DMXL1: variants seen among roughly 807,000 people sequenced by gnomAD.
DMXL1 encodes the protein Dmx like 1.
Under a neutral mutation model 319.2 loss-of-function variants are expected in DMXL1, and 99 were observed. The observed-to-expected ratio is 0.31, with a 90% CI of 0.26 to 0.37. The LOEUF (loss-of-function observed/expected upper bound fraction) is 0.37. Among genes scored for constraint, DMXL1 ranks in the 10% least tolerant of loss-of-function variants. DMXL1 has a pLI of 1.00. For synonymous variants in DMXL1, 1,385 were observed against 1,235.2 expected (o/e 1.12, Z -2.54); for missense variants, 3,745 against 3,595.6 (o/e 1.04, Z -1.06).
intron 9 of DMXL1, 123 bp downstream of exon 9, chr5:119,121,262 C>CTT: frequency 1.9e-5 from 12 of 646,528 alleles, no homozygotes; most frequent in Non-Finnish European, 2.6e-5. Context: ...GCCTATTTTT[C>CTT]TTTTTTTTTT....
intron 10 of DMXL1, among the ~76,000 whole-genome samples, chr5:119,130,424 C>T (rs560852547): frequency 3.9e-4 from 60 of 152,064 alleles, no homozygotes; most frequent in Non-Finnish European, 7.1e-4. Flanking sequence ...CTCACTGCAG[C>T]CTCCACCTCC....
chr5:119,078,022 A>G (rs1751381966), intron 1 of DMXL1, among the ~76,000 whole-genome samples: 1 of 151,806 alleles, frequency 6.6e-6, no homozygotes, highest in Non-Finnish European at 1.5e-5. Flanking sequence ...GGTGTGAACC[A>G]CCATGCCTGG....
At chr5:119,162,673 C>T (rs1346942565) in intron 19 of DMXL1, among the ~76,000 whole-genome samples, 1 of 152,188 alleles carries the variant, frequency 6.6e-6, no homozygotes, top group East Asian at 1.9e-4. Context: ...TATAAATATG[C>T]AAATCATAGC....
intron 19 of DMXL1, among the ~76,000 whole-genome samples, chr5:119,159,976 A>C (rs11742202): frequency 0.19 from 29,563 of 152,142 alleles, 3,545 homozygotes; most frequent in East Asian, 0.38. Context: ...ATCTTTCCAG[A>C]AAACTGGAAA....
Position 119,149,533 on chromosome 5 carries a change from C to T in DMXL1, c.3706C>T (p.His1236Tyr). ...TGTGGTAGGAATGGACTGTGAAATG[C>T]ATGTGTATTGCCAATGGCAACCATC... ...ILVVGMDCEM[H>Y]VYCQWQPSSK... Residue 1236 changes from histidine (H) to tyrosine (Y), a missense_variant, in exon 18 of 44, where the codon CAT (histidine) becomes TAT (tyrosine). By Grantham distance (83) the His-to-Tyr change is moderately conservative. This residue lies in a region of DMXL1 where 2,096 missense variants were observed against 1,985.4 expected (regional missense o/e 1.06). Transcript: ENST00000539542. 6.2e-7 allele frequency: 1 copy of T among 1,613,910 alleles called. No individual in the cohort carries two copies. Among genetic ancestry groups the T allele is most frequent in the Non-Finnish European group, 8.5e-7 (1 of 1,179,896 alleles).
rs1303727259 is a variant in DMXL1, at chr5:119,149,075, G to A, written c.3248G>A (p.Cys1083Tyr). The change falls in exon 18 of 44, where the codon TGT (cysteine) becomes TAT (tyrosine). Residue 1083 changes from cysteine to tyrosine, a missense_variant. Cys to Tyr is a radical substitution (Grantham distance 194). Transcript: ENST00000539542. ...GTGATGCATGTAAGTATTTTTGAAT[G>A]TGAGTCAACAGGAGGTTCATGTTGG... is the stretch of plus-strand genomic sequence containing the variant. Reference protein sequence around the residue: ...DFVMHVSIFECESTGGSCWVL... With the variant: ...DFVMHVSIFEYESTGGSCWVL... The A allele has an allele frequency of 1.2e-6, 2 of 1,613,812 alleles. No homozygotes were observed. The highest frequency in any genetic ancestry group is 1.3e-5 in the African/African-American group (1 of 74,894).
chr5:119,147,067 G>C, intron 16 of DMXL1, 111 bp downstream of exon 16: 1 of 1,240,716 alleles, frequency 8.1e-7, no homozygotes, highest in South Asian at 1.4e-5. Context: ...ATTAAATGGT[G>C]ATAACTGTAG....
rs757195330 is a variant in DMXL1 at position 119,149,194 on chromosome 5, G to A, written c.3367G>A (p.Asp1123Asn). The A allele has an allele frequency of 1.9e-6, 3 of 1,613,686 alleles. No homozygotes were observed. In the East Asian group the frequency reaches 6.7e-5, roughly 36 times the overall value. ...CAATTTAGTGGCCTATAATAAACAA[G>A]ACATGTATTTATCTAGTAAAGAGAA... Reference protein sequence around the residue: ...DSNLVAYNKQDMYLSSKENIT... With the variant: ...DSNLVAYNKQNMYLSSKENIT... The change falls in exon 18 of 44, where the codon GAC becomes AAC. Residue 1123 changes from aspartate (D) to asparagine (N), a missense_variant. Asp to Asn is a conservative substitution (Grantham distance 23, BLOSUM62 1). Coordinates refer to ENST00000539542, the MANE Select transcript of DMXL1 (RefSeq NM_001290321.3).
chr5:119,086,665 C>T (rs1161471678), intron 1 of DMXL1, among the ~76,000 whole-genome samples: 3 of 152,118 alleles, frequency 2.0e-5, no homozygotes, highest in Admixed American at 1.3e-4. Flanking sequence ...GCAGTGAAAC[C>T]ATCAGGTCCT....
intron 14 of DMXL1, 30 bp from the exon 15 acceptor site, chr5:119,144,503 GGTC>G: frequency 2.1e-6 from 3 of 1,429,640 alleles, no homozygotes; most frequent in Non-Finnish European, 2.9e-6. Context: ...ATAACACATA[GGTC>G]AACTTACGTT....
Position 119,152,328 on chromosome 5 carries a change from TTTC to T in DMXL1, c.4702+298_4702+300del, listed in dbSNP as rs536125622. The stretch of plus-strand genomic sequence containing the variant: ...ATTAGTATTGTTTCATTTTCTTTAA[TTTC>T]TTCTTTAGATTGTCTTTTCTCTCCT... On this transcript the variant is annotated intron_variant, in intron 19 of 43. Transcript: ENST00000539542. Among the ~76,000 whole-genome samples the T allele has an allele frequency of 8.5e-5, 13 of 152,256 alleles. No homozygotes were observed. The South Asian group carries it at 2.7e-3, about 32-fold the overall frequency.
In DMXL1 at chr5:119,197,745, C is replaced by A; in HGVS notation, c.7544-10C>A. On this transcript the variant is annotated splice_polypyrimidine_tract_variant and intron_variant, in intron 31 of 43. Transcript: ENST00000539542. ...CATAAGATTAATATGAGTCAATGTT[C>A]CCATTTTAGAGCTTCCAGTTAGTTC... The A allele has an allele frequency of 6.2e-7, 1 of 1,613,168 alleles. No individual in the cohort carries two copies.
At position 119,147,677 on chromosome 5, in the gene DMXL1, T is replaced by C. The variant is rs148907953; in HGVS notation, c.2911+207T>C. 697 of 427,874 alleles carry C rather than the reference T, an allele frequency of 1.6e-3. 5 individuals carry two copies. The highest frequency in any genetic ancestry group is 0.013 in the African/African-American group (660 of 48,974). 26.5% of individuals were successfully genotyped at this position (427,874 alleles called of 1,614,324 possible). A position where few individuals can be genotyped will look rare whatever the true frequency, so the allele number is the denominator to read the frequency against. ...TATCAGCCAGTTCTAGTCTTAAATA[T>C]TGATTTCTAAAACAAATTTTCTTTG... On this transcript the variant is annotated intron_variant, in intron 17 of 43. Coordinates refer to ENST00000539542, the MANE Select transcript of DMXL1 (RefSeq NM_001290321.3).
At chr5:119,192,321 T>A (rs1282600267) in intron 29 of DMXL1, among the ~76,000 whole-genome samples, 1 of 152,178 alleles carries the variant, frequency 6.6e-6, no homozygotes, top group Non-Finnish European at 1.5e-5. Flanking sequence ...TCTTCTCTAC[T>A]CTCCCCTGTG....
chr5:119,229,233 T>C (rs1236504438), intron 38 of DMXL1, among the ~76,000 whole-genome samples: 1 of 151,148 alleles, frequency 6.6e-6, no homozygotes, highest in African/African-American at 2.4e-5. Flanking sequence ...AATAATAATA[T>C]TAACATTAGG....
At chr5:119,239,629 T>C (rs1788389998) in intron 41 of DMXL1, among the ~76,000 whole-genome samples, 1 of 152,218 alleles carries the variant, frequency 6.6e-6, no homozygotes, top group Non-Finnish European at 1.5e-5. Context: ...GTTATTCAAA[T>C]TTTTAAGCTA....
chr5:119,097,933 A>T (rs1369438139), intron 1 of DMXL1, 46 bp from the exon 2 acceptor site: 1 of 1,497,376 alleles, frequency 6.7e-7, no homozygotes, highest in Admixed American at 2.0e-5. Context: ...TACATGGTAA[A>T]TGTTTCCTTG....
At chr5:119,082,917 T>A (rs1752555533) in intron 1 of DMXL1, among the ~76,000 whole-genome samples, 1 of 152,232 alleles carries the variant, frequency 6.6e-6, no homozygotes, top group African/African-American at 2.4e-5. Context: ...CTTTATGAGA[T>A]CCACTTTTGT....
At chr5:119,122,219 A>G (rs1762277688) in intron 9 of DMXL1, among the ~76,000 whole-genome samples, 1 of 125,666 alleles carries the variant, frequency 8.0e-6, no homozygotes, top group African/African-American at 3.1e-5. Flanking sequence ...GGCCGGGCAG[A>G]GGCGCCCCTC....
Sources: gnomAD v4.1 joint callset for allele counts (sites outside exome capture counted in the v4.1 genomes callset) on GRCh38, gnomAD v4.1.1 for gene constraint, gnomAD v4.1.1 regional missense constraint, MANE v1.5 for transcripts, NCBI Gene and HGNC (gene_info 2026-07-23, HGNC 2026-07-21) for gene names.